NEXMIF: variants seen among roughly 807,000 people sequenced by gnomAD.
NEXMIF encodes XLMR protein related to neurite extension.
A neutral mutation model predicts 62.1 loss-of-function variants in NEXMIF; 8 were observed. The observed-to-expected ratio is 0.13, with a 90% CI of 0.08 to 0.23. The LOEUF is 0.23. Among genes scored for constraint, NEXMIF ranks in the 10% least tolerant of loss-of-function variants. The probability of loss-of-function intolerance (pLI) is 1.00; values close to 1 mark genes in which losing one functional copy is unlikely to be tolerated. For synonymous variants in NEXMIF, 404 were observed against 416.6 expected (o/e 0.97, Z 0.37); for missense variants, 976 against 1,113.3 (o/e 0.88, Z 1.75).
chrX:74,790,328 G>A (rs1401436843), intron 1 of NEXMIF, among the ~76,000 whole-genome samples: 1 of 112,674 alleles, frequency 8.9e-6, no homozygotes, highest in Non-Finnish European at 1.9e-5. Flanking sequence ...CTGTTCCATT[G>A]ATCTATATCT....
At chrX:74,901,107 G>A (rs2084951503) in intron 1 of NEXMIF, among the ~76,000 whole-genome samples, 1 of 111,667 alleles carries the variant, frequency 9.0e-6, no homozygotes, top group Non-Finnish European at 1.9e-5. Flanking sequence ...CAGTGTGAAT[G>A]AATTTAATTC....
chrX:74,891,775 G>A (rs1256287639), intron 1 of NEXMIF, among the ~76,000 whole-genome samples: 1 of 111,953 alleles, frequency 8.9e-6, no homozygotes, highest in African/African-American at 3.3e-5. Context: ...TTATTGCTGT[G>A]GAACATGAGA....
intron 1 of NEXMIF, among the ~76,000 whole-genome samples, chrX:74,807,729 C>T (rs1281388677): frequency 8.9e-6 from 1 of 111,933 alleles, no homozygotes; most frequent in Non-Finnish European, 1.9e-5. Context: ...TCCCAAAGTG[C>T]TGGGAATACA....
chrX:74,878,523 C>G (rs1247068480), intron 1 of NEXMIF, among the ~76,000 whole-genome samples: 1 of 112,741 alleles, frequency 8.9e-6, no homozygotes, highest in Admixed American at 9.3e-5. Flanking sequence ...CCACCCAGTT[C>G]AAGCTTCCTG....
chrX:74,744,218 T>C lies in NEXMIF; in HGVS notation c.339A>G (p.Ser113=). The change falls in exon 3 of 4, where the codon TCA becomes TCG. Residue 113 remains serine, a synonymous_variant. Transcript: ENST00000055682. ...SGIAKGLNTW[S]LPNECEKAPF... ...GAGCTTTCTCACATTCATTGGGAAG[T>C]GACCATGTGTTCAGGCCTTTTGCAA... The C allele has an allele frequency of 8.3e-7, 1 of 1,211,731 alleles. No homozygotes were observed. The highest frequency in any genetic ancestry group is 1.1e-6 in the Non-Finnish European group (1 of 895,541).
At chrX:74,772,283 G>A (rs2080212416) in intron 1 of NEXMIF, among the ~76,000 whole-genome samples, 1 of 112,380 alleles carries the variant, frequency 8.9e-6, no homozygotes, top group Non-Finnish European at 1.9e-5. Flanking sequence ...CTCCACTACA[G>A]TGTGGATGGT....
Position 74,804,350 on chromosome X carries a change from G to T in NEXMIF, c.-47-58653C>A, listed in dbSNP as rs149393737. Among the ~76,000 whole-genome samples, 395 of 111,972 alleles carry T rather than the reference G, an allele frequency of 3.5e-3. 5 individuals are homozygous for T. The highest frequency in any genetic ancestry group is 0.012 in the African/African-American group (371 of 30,791). On this transcript the variant is annotated intron_variant, in intron 1 of 3. Coordinates refer to ENST00000055682, the MANE Select transcript of NEXMIF (RefSeq NM_001008537.3). ...CAAGTAAAAGAAGTCTCTTCCCATA[G>T]CCACCAGAGCTGGGAATGTACTGAG...
chrX:74,917,846 G>C lies in NEXMIF; in HGVS notation c.-48+7037C>G, dbSNP rs925474171. Among the ~76,000 whole-genome samples, 4 of 111,651 alleles carry C rather than the reference G, an allele frequency of 3.6e-5. 1 individual carries two copies. The highest frequency in any genetic ancestry group is 5.6e-4 in the East Asian group (2 of 3,575). The stretch of plus-strand genomic sequence containing the variant: ...ATATATTAATGATGAACTTGTGTGT[G>C]GGGTGTGTGAAAGCTGAACAGGCAT... On this transcript the variant is annotated intron_variant, in intron 1 of 3. Coordinates refer to ENST00000055682, the MANE Select transcript of NEXMIF (RefSeq NM_001008537.3).
chrX:74,846,766 C>T (rs748913949), intron 1 of NEXMIF, among the ~76,000 whole-genome samples: 53 of 111,869 alleles, frequency 4.7e-4, no homozygotes, highest in Middle Eastern at 4.6e-3. Flanking sequence ...CTATATTGGG[C>T]ACATACCCAT....
At chrX:74,883,937 C>T (rs754310079) in intron 1 of NEXMIF, among the ~76,000 whole-genome samples, 96 of 112,507 alleles carry the variant, frequency 8.5e-4, no homozygotes, top group South Asian at 1.5e-3. Context: ...ATCAGACTAA[C>T]AGCGGATCTC....
At chrX:74,786,799 A>T in intron 1 of NEXMIF, among the ~76,000 whole-genome samples, 2 of 110,945 alleles carry the variant, frequency 1.8e-5, no homozygotes, top group Non-Finnish European at 3.8e-5. Context: ...AGAAGTAGAT[A>T]ACTGAAAACA....
chrX:74,862,037 G>T (rs1328880362), intron 1 of NEXMIF, among the ~76,000 whole-genome samples: 1 of 111,145 alleles, frequency 9.0e-6, no homozygotes, highest in African/African-American at 3.3e-5. Flanking sequence ...CAAATTAAAA[G>T]ACACAGAATG....
chrX:74,849,975 C>T (rs1032329710), intron 1 of NEXMIF, among the ~76,000 whole-genome samples: 5 of 112,384 alleles, frequency 4.4e-5, no homozygotes, highest in African/African-American at 1.6e-4. Context: ...TCCAAGCATT[C>T]CACTAGAAAC....
At chrX:74,873,456 T>C (rs1338641425) in intron 1 of NEXMIF, among the ~76,000 whole-genome samples, 1 of 112,104 alleles carries the variant, frequency 8.9e-6, no homozygotes, top group Non-Finnish European at 1.9e-5. Context: ...AACATACGTG[T>C]GCAAGTGTCT....
intron 1 of NEXMIF, among the ~76,000 whole-genome samples, chrX:74,759,166 T>A (rs974011045): frequency 8.9e-6 from 1 of 112,545 alleles, no homozygotes; most frequent in African/African-American, 3.2e-5. Flanking sequence ...ACGCTGAGAT[T>A]TTTTTCATAT....
At chrX:74,761,916 T>C (rs1456535429) in intron 1 of NEXMIF, among the ~76,000 whole-genome samples, 4 of 111,825 alleles carry the variant, frequency 3.6e-5, no homozygotes, top group Admixed American at 9.6e-5. Flanking sequence ...ATCTTTGTTC[T>C]TATCAGTTTC....
intron 1 of NEXMIF, among the ~76,000 whole-genome samples, chrX:74,752,723 T>G (rs1341167887): frequency 8.9e-6 from 1 of 111,807 alleles, no homozygotes; most frequent in Non-Finnish European, 1.9e-5. Flanking sequence ...AGTCTTAACT[T>G]TTAAACCTTA....
At chrX:74,823,386 A>G (rs188599707) in intron 1 of NEXMIF, among the ~76,000 whole-genome samples, 3 of 111,668 alleles carry the variant, frequency 2.7e-5, no homozygotes, top group Non-Finnish European at 5.7e-5. Flanking sequence ...GCTAAAAATA[A>G]CTGGTCTATA....
At chrX:74,856,616 C>T (rs1433640050) in intron 1 of NEXMIF, among the ~76,000 whole-genome samples, 2 of 111,523 alleles carry the variant, frequency 1.8e-5, no homozygotes, top group African/African-American at 3.3e-5. Context: ...GAATAGAAGG[C>T]TCTACTGATC....
Sources: gnomAD v4.1 joint callset for allele counts (sites outside exome capture counted in the v4.1 genomes callset) on GRCh38, gnomAD v4.1.1 for gene constraint, MANE v1.5 for transcripts, NCBI Gene and HGNC (gene_info 2026-07-23, HGNC 2026-07-21) for gene names.